Variants in KDM2A observed in about 807,000 individuals in gnomAD.
KDM2A encodes the protein lysine-specific demethylase 2A.
Under a neutral mutation model 137.3 loss-of-function variants are expected in KDM2A, and 3 were observed. The observed-to-expected ratio is 0.02, with a 90% CI of 0.01 to 0.06. The LOEUF (loss-of-function observed/expected upper bound fraction) is 0.06, where lower values mean the gene tolerates loss of function less well. Ranked by LOEUF, KDM2A falls within the 10% of genes least tolerant of loss-of-function variation. The pLI is 1.00. For synonymous variants in KDM2A, 512 were observed against 541.5 expected, an observed-to-expected ratio of 0.95 and a Z score of 0.76; for missense variants, 738 against 1,510.6, an observed-to-expected ratio of 0.49 and a Z score of 8.48.
intron 2 of KDM2A, among the ~76,000 whole-genome samples, chr11:67,135,076 T>G (rs962945086): frequency 1.3e-5 from 2 of 152,042 alleles, no homozygotes; most frequent in Non-Finnish European, 2.9e-5. Flanking sequence ...TCTTTTTTTT[T>G]TTTCCCCCTG....
chr11:67,130,437 G>C (rs1239155723), intron 2 of KDM2A, among the ~76,000 whole-genome samples: 1 of 152,162 alleles, frequency 6.6e-6, no homozygotes, highest in Non-Finnish European at 1.5e-5. Context: ...GAGCCACCAT[G>C]CCCGGCCTTA....
chr11:67,201,353 A>G (rs564110669), intron 5 of KDM2A, among the ~76,000 whole-genome samples: 3 of 151,948 alleles, frequency 2.0e-5, no homozygotes, highest in East Asian at 3.9e-4. Context: ...TTAAGAACAT[A>G]TTTATGGCCA....
chr11:67,180,721 C>T (rs1448108762), intron 3 of KDM2A, among the ~76,000 whole-genome samples: 4 of 151,736 alleles, frequency 2.6e-5, no homozygotes, highest in African/African-American at 7.3e-5. Context: ...GGTGCGATCT[C>T]GGCTCACTGC....
intron 10 of KDM2A, among the ~76,000 whole-genome samples, chr11:67,223,192 CA>C (rs560774486): frequency 0.021 from 1,913 of 89,406 alleles, 7 homozygotes; most frequent in Middle Eastern, 0.071. Flanking sequence ...AACTCCATCT[CA>C]AAAAAAAAAA....
At chr11:67,218,652 T>A (rs1175291611) in intron 9 of KDM2A, among the ~76,000 whole-genome samples, 1 of 152,198 alleles carries the variant, frequency 6.6e-6, no homozygotes, top group Admixed American at 6.5e-5. Context: ...AGCCTCAGGC[T>A]GGAGTGCAGT....
chr11:67,130,454 C>T (rs1855827958), intron 2 of KDM2A, among the ~76,000 whole-genome samples: 2 of 152,126 alleles, frequency 1.3e-5, no homozygotes, highest in South Asian at 4.1e-4. Context: ...CTTAAGCTCT[C>T]CTGTTCTAAT....
At chr11:67,240,518 C>G in intron 12 of KDM2A, 1 of 691,586 alleles carries the variant, frequency 1.4e-6, no homozygotes, top group East Asian at 2.7e-5. Flanking sequence ...CGTCATTGCA[C>G]TTGTTCCCTC....
At chr11:67,249,670 G>A (rs1388109914) in intron 16 of KDM2A, among the ~76,000 whole-genome samples, 1 of 152,160 alleles carries the variant, frequency 6.6e-6, no homozygotes, top group Non-Finnish European at 1.5e-5. Flanking sequence ...GGGTTGGAGT[G>A]GAAGACGCAG....
chr11:67,239,899 G>T (rs1022572256), intron 12 of KDM2A: 8 of 309,334 alleles, frequency 2.6e-5, no homozygotes, highest in African/African-American at 1.3e-4. Context: ...GGGGGCTGTG[G>T]CTGAGCTCTC....
intron 5 of KDM2A, chr11:67,195,995 TATCTC>T (rs1211117675): frequency 7.0e-6 from 3 of 430,426 alleles, no homozygotes; most frequent in Non-Finnish European, 1.4e-5. Flanking sequence ...TCTTCAAACT[TATCTC>T]AGAACCACAA....
At chr11:67,125,899 C>T (rs1855712994) in intron 2 of KDM2A, among the ~76,000 whole-genome samples, 1 of 138,422 alleles carries the variant, frequency 7.2e-6, no homozygotes, top group Non-Finnish European at 1.5e-5. Context: ...GCTGAGATTG[C>T]ACCATTGCAC....
intron 2 of KDM2A, among the ~76,000 whole-genome samples, chr11:67,142,267 C>G (rs1343381387): frequency 2.6e-5 from 4 of 151,676 alleles, no homozygotes; most frequent in Non-Finnish European, 5.9e-5. Flanking sequence ...AAACTCTTGA[C>G]CTCAGGTGAT....
In KDM2A at chr11:67,254,022, C is replaced by A. The variant is rs547267812; in HGVS notation, c.3092-181C>A. 1.3e-5 allele frequency among the ~76,000 whole-genome samples: 2 copies of A among 152,240 alleles called. No individual in the cohort carries two copies. The highest frequency in any genetic ancestry group is 4.8e-5 in the African/African-American group (2 of 41,460). On this transcript the variant is annotated intron_variant, in intron 19 of 20. Transcript: ENST00000529006. The surrounding 1 kb of genome is among the most constrained non-coding windows in gnomAD (Gnocchi z 4.7). ...CAGCTTGAGAAGAAAGAAAACTTGT[C>A]TGGTTTCCTAGAAACTGCCTACACC...
intron 2 of KDM2A, among the ~76,000 whole-genome samples, chr11:67,130,659 T>C (rs149762395): frequency 0.014 from 2,075 of 152,272 alleles, 21 homozygotes; most frequent in Non-Finnish European, 0.021. Flanking sequence ...ACGGACACTC[T>C]TAATTAGGTT....
chr11:67,166,803 G>A (rs529676545), intron 2 of KDM2A, among the ~76,000 whole-genome samples: 4 of 152,140 alleles, frequency 2.6e-5, no homozygotes, highest in African/African-American at 4.8e-5. Context: ...TGGGCTGAGC[G>A]TGGTGGGTCA....
chr11:67,171,193 GA>G (rs1856875017), intron 2 of KDM2A, among the ~76,000 whole-genome samples: 1 of 152,156 alleles, frequency 6.6e-6, no homozygotes, highest in African/African-American at 2.4e-5. Context: ...TGAGATTTGT[GA>G]TACATAGAAG....
At chr11:67,132,851 G>A (rs186369027) in intron 2 of KDM2A, among the ~76,000 whole-genome samples, 1 of 152,296 alleles carries the variant, frequency 6.6e-6, no homozygotes, top group Admixed American at 6.5e-5. Context: ...TGGAGTTGGG[G>A]CCTAGCAATC....
chr11:67,121,403 G>A lies in KDM2A; in HGVS notation c.42+45G>A, dbSNP rs773347644. The A allele has an allele frequency of 6.3e-6, 10 of 1,574,892 alleles. No individual in the cohort carries two copies. In the South Asian group the frequency reaches 1.0e-4, roughly 16 times the overall value. The stretch of plus-strand genomic sequence containing the variant: ...ACCACACCCTCCAGTTTTAAAGTAG[G>A]ATAACTATTTTGTTTCCAGTTGTGA... On this transcript the variant is annotated intron_variant, in intron 2 of 20. Coordinates refer to ENST00000529006, the MANE Select transcript of KDM2A (RefSeq NM_012308.3).
chr11:67,219,556 T>A, intron 10 of KDM2A, 153 bp downstream of exon 10: 1 of 436,564 alleles, frequency 2.3e-6, no homozygotes, highest in South Asian at 3.9e-5. Flanking sequence ...AATTTTAAAT[T>A]TAATTTTTTT....
Sources: allele counts gnomAD v4.1 joint callset (sites outside exome capture counted in the v4.1 genomes callset), GRCh38; gene constraint gnomAD v4.1.1; non-coding constraint Gnocchi (gnomAD v3.1); transcripts MANE v1.5; gene names NCBI Gene and HGNC (gene_info 2026-07-23, HGNC 2026-07-21).